Variants in AGRN observed in about 807,000 individuals in gnomAD.
AGRN encodes agrin proteoglycan.
In AGRN, 106 loss-of-function variants were observed where a neutral mutation model predicts 211.0. That is an observed-to-expected ratio of 0.50 (90% CI 0.43 to 0.59). The LOEUF (loss-of-function observed/expected upper bound fraction) is 0.59, where lower values mean the gene tolerates loss of function less well. AGRN is among the 20% of genes least tolerant of loss of function. AGRN has a pLI of 0.00. For synonymous variants in AGRN, 1,525 were observed against 1,332.5 expected, an observed-to-expected ratio of 1.14 and a Z score of -3.15; for missense variants, 3,040 against 2,982.6, an observed-to-expected ratio of 1.02 and a Z score of -0.45.
chr1:1,030,019 C>G (rs1644622691), intron 2 of AGRN, among the ~76,000 whole-genome samples: 1 of 84,408 alleles, frequency 1.2e-5, no homozygotes. Context: ...GCTGTGAGAT[C>G]AGCATGTGTG....
intron 3 of AGRN, among the ~76,000 whole-genome samples, chr1:1,035,844 A>G (rs2799055): frequency 0.88 from 132,276 of 150,044 alleles, 58,854 homozygotes; most frequent in East Asian, 1. Flanking sequence ...TCATGGGGGG[A>G]CACAAGTGAT....
rs754191515 is a variant in AGRN at position 1,049,912 on chromosome 1, G to A, written c.4754G>A (p.Cys1585Tyr). 1.9e-6 allele frequency: 3 copies of A among 1,612,124 alleles called. No homozygotes were observed. In the Admixed American group the frequency reaches 5.0e-5, roughly 27 times the overall value. Residue 1585 changes from cysteine to tyrosine, a missense_variant, in exon 27 of 36, where the codon TGT becomes TAT. Cys to Tyr is a radical substitution (Grantham distance 194). This residue lies in a region of AGRN where 1,537 missense variants were observed against 1,505.0 expected (regional missense o/e 1.02). Coordinates refer to ENST00000379370, the MANE Select transcript of AGRN (RefSeq NM_198576.4). ...QCPPGRVGPTCADEKSPCQPN... is the reference protein window; with the variant it reads ...QCPPGRVGPTYADEKSPCQPN... The stretch of plus-strand genomic sequence containing the variant: ...GTCTTCCTCCATCCAGGACCAACCT[G>A]TGCCGATGAGAAGAGCCCCTGCCAG...
rs952507829 is a variant in AGRN at position 1,027,796 on chromosome 1, C to T, written c.463+5334C>T. On this transcript the variant is annotated intron_variant, in intron 2 of 35. Coordinates refer to ENST00000379370, the MANE Select transcript of AGRN (RefSeq NM_198576.4). ...AGACCAGGCCTGGTCAGGGTGGGAG[C>T]GGGGGTCTGTCGCTGGCCTGAGCCT... is the stretch of plus-strand genomic sequence containing the variant. Among the ~76,000 whole-genome samples, 6 of 152,112 alleles carry T rather than the reference C, an allele frequency of 3.9e-5. 1 individual carries two copies. Among genetic ancestry groups the T allele is most frequent in the Non-Finnish European group, 4.4e-5 (3 of 67,982 alleles).
chr1:1,037,836 C>A (rs759341263), intron 3 of AGRN, among the ~76,000 whole-genome samples: 1 of 152,162 alleles, frequency 6.6e-6, no homozygotes, highest in Non-Finnish European at 1.5e-5. Flanking sequence ...GGGGAGACAT[C>A]TCGGGGCGTG....
chr1:1,029,032 C>T (rs1327592642), intron 2 of AGRN, among the ~76,000 whole-genome samples: 3 of 103,982 alleles, frequency 2.9e-5, no homozygotes, highest in East Asian at 5.3e-4. Context: ...GGGCCAAGGG[C>T]GCCCACACCC....
intron 2 of AGRN, 109 bp downstream of exon 2, chr1:1,022,571 T>G: frequency 1.3e-6 from 1 of 745,318 alleles, no homozygotes; most frequent in South Asian, 2.1e-5. Context: ...TGCCGGAGGC[T>G]GCAGCACACG....
At position 1,032,885 on chromosome 1, in the gene AGRN, T is replaced by C. The variant is rs1036160399; in HGVS notation, c.464-2392T>C. ...TTCTGGCCTCCAGGGTGGTCGGGCC[T>C]GGCATGGACTCTAGGGGATGGTGCA... On this transcript the variant is annotated intron_variant, in intron 2 of 35. Coordinates refer to ENST00000379370, the MANE Select transcript of AGRN (RefSeq NM_198576.4). This position sits in a 1 kb window ranked among gnomAD's most constrained non-coding sequence, Gnocchi z 4.7. 3.3e-5 allele frequency among the ~76,000 whole-genome samples: 5 copies of C among 151,902 alleles called. No individual in the cohort carries two copies. The highest frequency in any genetic ancestry group is 2.0e-4 in the Admixed American group (3 of 15,276).
intron 33 of AGRN, chr1:1,052,112 T>G: frequency 7.3e-7 from 1 of 1,363,360 alleles, no homozygotes; most frequent in Non-Finnish European, 9.8e-7. Context: ...GAACTTTCCA[T>G]CCCTTGTGGC....
chr1:1,046,658 G>T lies in AGRN; in HGVS notation c.3173G>T (p.Gly1058Val). ...PAPSLVASAF[G>V]ESGSTDGSSD... Reference sequence around the variant, plus strand: ...CCCAGCCTGGTGGCGTCCGCCTTTGGTGAATCTGGCAGCACTGATGGAAGC... The same window carrying T: ...CCCAGCCTGGTGGCGTCCGCCTTTGTTGAATCTGGCAGCACTGATGGAAGC... Residue 1058 changes from glycine (G) to valine (V), a missense_variant, in exon 18 of 36, where the codon GGT (glycine) becomes GTT (valine). Coordinates refer to ENST00000379370, the MANE Select transcript of AGRN (RefSeq NM_198576.4). 1 of 1,594,718 alleles carries T rather than the reference G, an allele frequency of 6.3e-7. No individual in the cohort carries two copies. Among genetic ancestry groups the T allele is most frequent in the Non-Finnish European group, 8.5e-7 (1 of 1,176,388 alleles).
intron 30 of AGRN, 161 bp downstream of exon 30, chr1:1,050,998 C>T (rs761768967): frequency 2.4e-5 from 37 of 1,550,040 alleles, no homozygotes; most frequent in East Asian, 2.4e-5. Context: ...TCTCTGCTCT[C>T]GCTCTGCAAC....
chr1:1,050,939 C>G (rs2100685862), intron 30 of AGRN, 102 bp downstream of exon 30: 1 of 1,544,194 alleles, frequency 6.5e-7, no homozygotes, highest in East Asian at 2.4e-5. Context: ...TTTTTCTGTC[C>G]TGTTCTCTTG....
intron 1 of AGRN, among the ~76,000 whole-genome samples, chr1:1,021,589 G>A (rs1644407411): frequency 6.6e-6 from 1 of 152,268 alleles, no homozygotes; most frequent in South Asian, 2.1e-4. Context: ...AGGGCCGCCA[G>A]GTCGGCTGTA....
chr1:1,024,276 G>A (rs1212409068), intron 2 of AGRN, among the ~76,000 whole-genome samples: 4 of 152,074 alleles, frequency 2.6e-5, no homozygotes, highest in Non-Finnish European at 5.9e-5. Context: ...GGCTGGAGAA[G>A]GGACAATTCT....
intron 2 of AGRN, among the ~76,000 whole-genome samples, chr1:1,028,468 T>C (rs1644571615): frequency 6.6e-6 from 1 of 152,030 alleles, no homozygotes; most frequent in African/African-American, 2.4e-5. Flanking sequence ...CTGTGTGCGG[T>C]GCATGGGCCA....
At chr1:1,039,720 G>A (rs916463527) in intron 3 of AGRN, among the ~76,000 whole-genome samples, 3 of 152,062 alleles carry the variant, frequency 2.0e-5, no homozygotes, top group Non-Finnish European at 4.4e-5. Context: ...ACTAAAATGA[G>A]CAACAGTTCC....
intron 21 of AGRN, 36 bp downstream of exon 21, chr1:1,047,723 A>G (rs762967530): frequency 1.1e-5 from 18 of 1,612,468 alleles, no homozygotes; most frequent in East Asian, 8.9e-5. Flanking sequence ...CTGGGAGGCA[A>G]TGGGTGGGGG....
chr1:1,051,865 C>CG (rs1645303710), intron 33 of AGRN, 50 bp downstream of exon 33: 1 of 1,605,986 alleles, frequency 6.2e-7, no homozygotes, highest in East Asian at 2.2e-5. Context: ...GCCCTCGGGG[C>CG]GGGACACCGG....
chr1:1,035,486 G>A (rs1247759046), intron 3 of AGRN, among the ~76,000 whole-genome samples, 162 bp downstream of exon 3: 21 of 152,188 alleles, frequency 1.4e-4, no homozygotes, highest in Admixed American at 1.3e-3. Context: ...GCGGTGGGCC[G>A]CAGTAGGAAC....
chr1:1,034,257 G>A (rs1235885688), intron 2 of AGRN: 1 of 985,326 alleles, frequency 1.0e-6, no homozygotes, highest in African/African-American at 1.7e-5. Flanking sequence ...GCCAGCCCGG[G>A]GAGGCTGTGG....
Sources: allele counts gnomAD v4.1 joint callset (sites outside exome capture counted in the v4.1 genomes callset), GRCh38; gene constraint gnomAD v4.1.1; regional missense constraint gnomAD v4.1.1; non-coding constraint Gnocchi (gnomAD v3.1); transcripts MANE v1.5; gene names NCBI Gene and HGNC (gene_info 2026-07-23, HGNC 2026-07-21).